The following ERBB4 variants were observed in gnomAD, a reference collection of about 807,000 sequenced individuals.
ERBB4 encodes receptor tyrosine-protein kinase erbB-4.
A neutral mutation model predicts 158.0 loss-of-function variants in ERBB4; 42 were observed. That is an observed-to-expected ratio of 0.27 (90% CI 0.21 to 0.34). The LOEUF (loss-of-function observed/expected upper bound fraction) is 0.34. Among genes scored for constraint, ERBB4 ranks in the 10% least tolerant of loss-of-function variants. The pLI is 1.00. For synonymous variants in ERBB4, 583 were observed against 558.7 expected, an observed-to-expected ratio of 1.04 and a Z score of -0.61; for missense variants, 1,333 against 1,624.1, an observed-to-expected ratio of 0.82 and a Z score of 3.08.
chr2:212,439,559 T>C (rs1199572265), intron 1 of ERBB4, among the ~76,000 whole-genome samples: 3 of 152,200 alleles, frequency 2.0e-5, no homozygotes, highest in African/African-American at 7.2e-5. Flanking sequence ...ATAGCTTTGG[T>C]ATTTTAATTT....
chr2:211,899,758 A>G (rs1208653331), intron 3 of ERBB4, among the ~76,000 whole-genome samples: 5 of 152,128 alleles, frequency 3.3e-5, no homozygotes, highest in African/African-American at 7.2e-5. Flanking sequence ...CTTGCCACTA[A>G]TCATCACTTA....
chr2:211,719,175 T>A (rs974164675), intron 7 of ERBB4, among the ~76,000 whole-genome samples: 2 of 152,226 alleles, frequency 1.3e-5, no homozygotes, highest in East Asian at 3.9e-4. Context: ...TGTAGATAAC[T>A]TTTTGTGCAA....
chr2:211,781,536 C>A (rs1054036904), intron 4 of ERBB4, among the ~76,000 whole-genome samples: 2 of 152,102 alleles, frequency 1.3e-5, no homozygotes, highest in African/African-American at 4.8e-5. Flanking sequence ...TGAGCTAAAC[C>A]TATGAGAGAC....
At chr2:211,782,849 G>A (rs1384317444) in intron 4 of ERBB4, among the ~76,000 whole-genome samples, 5 of 152,096 alleles carry the variant, frequency 3.3e-5, no homozygotes, top group Non-Finnish European at 5.9e-5. Flanking sequence ...TTGACTTGGC[G>A]ATACGGGCTC....
intron 22 of ERBB4, among the ~76,000 whole-genome samples, chr2:211,426,380 C>G (rs767196525): frequency 1.3e-5 from 2 of 152,166 alleles, no homozygotes; most frequent in Non-Finnish European, 2.9e-5. Flanking sequence ...TAAAGGTGCA[C>G]TGTAAACAAG....
At chr2:211,730,130 T>A (rs974631250) in intron 5 of ERBB4, among the ~76,000 whole-genome samples, 5 of 151,964 alleles carry the variant, frequency 3.3e-5, no homozygotes, top group Admixed American at 1.3e-4. Context: ...CTTAATCTTA[T>A]CAGTATCTCA....
chr2:212,470,274 C>A (rs192473303), intron 1 of ERBB4, among the ~76,000 whole-genome samples: 1 of 152,160 alleles, frequency 6.6e-6, no homozygotes. Context: ...GAAAATAGTG[C>A]CAGCCTCTCT....
intron 1 of ERBB4, among the ~76,000 whole-genome samples, chr2:212,442,218 A>T (rs2092269092): frequency 6.6e-6 from 1 of 152,164 alleles, no homozygotes; most frequent in Non-Finnish European, 1.5e-5. Flanking sequence ...TTATATAAGG[A>T]GAAAACTTCT....
intron 2 of ERBB4, among the ~76,000 whole-genome samples, chr2:212,003,406 G>A (rs1392386241): frequency 6.6e-6 from 1 of 150,468 alleles, no homozygotes; most frequent in East Asian, 2.0e-4. Context: ...TCAATATGAT[G>A]GAGCAAGTAA....
At chr2:212,140,652 T>C (rs947344512) in intron 1 of ERBB4, among the ~76,000 whole-genome samples, 2 of 151,342 alleles carry the variant, frequency 1.3e-5, no homozygotes, top group Non-Finnish European at 3.0e-5. Context: ...TAATAGAACA[T>C]TATTTTAGAT....
At chr2:211,412,987 TTGAACAATTTAAAAAA>T (rs1359674082) in intron 25 of ERBB4, among the ~76,000 whole-genome samples, 1 of 148,052 alleles carries the variant, frequency 6.8e-6, no homozygotes, top group East Asian at 2.0e-4. Flanking sequence ...AGAAAAGAAA[TTGAACAATTTAAAAAA>T]TTTCTACTTA....
chr2:211,791,386 A>G (rs1359629290), intron 3 of ERBB4, among the ~76,000 whole-genome samples: 1 of 151,930 alleles, frequency 6.6e-6, no homozygotes, highest in East Asian at 1.9e-4. Flanking sequence ...GTGTTATACC[A>G]ACCAACAGTT....
intron 19 of ERBB4, among the ~76,000 whole-genome samples, chr2:211,589,701 T>C: frequency 6.6e-6 from 1 of 152,164 alleles, no homozygotes; most frequent in East Asian, 1.9e-4. Flanking sequence ...GTCAAAAATT[T>C]GAAAAATCTA....
chr2:212,456,512 A>T (rs1688295792), intron 1 of ERBB4, among the ~76,000 whole-genome samples: 2 of 151,752 alleles, frequency 1.3e-5, no homozygotes, highest in Admixed American at 6.6e-5. Context: ...AAAAAGACTG[A>T]GTCTGCTGTT....
intron 1 of ERBB4, among the ~76,000 whole-genome samples, chr2:212,518,929 G>A (rs2106306995): frequency 6.6e-6 from 1 of 151,916 alleles, no homozygotes; most frequent in East Asian, 1.9e-4. Flanking sequence ...TTTTTTCACA[G>A]TCCTGAGACT....
At chr2:212,498,263 T>A (rs1484333961) in intron 1 of ERBB4, among the ~76,000 whole-genome samples, 1 of 152,080 alleles carries the variant, frequency 6.6e-6, no homozygotes, top group Non-Finnish European at 1.5e-5. Context: ...TATCCAAGGA[T>A]CAAAGAGGCT....
intron 1 of ERBB4, among the ~76,000 whole-genome samples, chr2:212,424,472 C>T (rs754284920): frequency 6.6e-6 from 1 of 152,090 alleles, no homozygotes; most frequent in Non-Finnish European, 1.5e-5. Flanking sequence ...TAAAAGCCCA[C>T]TTATTTTTTC....
Position 211,851,104 on chromosome 2 carries a change from A to G in ERBB4, c.422-62945T>C, listed in dbSNP as rs553808412. Among the ~76,000 whole-genome samples the G allele has an allele frequency of 4.4e-4, 67 of 152,088 alleles. 2 individuals are homozygous for G. The highest frequency in any genetic ancestry group is 1.6e-3 in the African/African-American group (67 of 41,544). On this transcript the variant is annotated intron_variant, in intron 3 of 27. Transcript: ENST00000342788. The stretch of plus-strand genomic sequence containing the variant: ...CTAACCAGCCTGCAATAAAACTAAC[A>G]ACAGATAAAGTAGTATACAACACTT...
intron 1 of ERBB4, among the ~76,000 whole-genome samples, chr2:212,482,512 G>C (rs1689754493): frequency 6.6e-6 from 1 of 152,136 alleles, no homozygotes; most frequent in African/African-American, 2.4e-5. Flanking sequence ...GACTCCAAAA[G>C]GTTTAGTAAC....
Sources: gnomAD v4.1 joint callset for allele counts (sites outside exome capture counted in the v4.1 genomes callset) on GRCh38, gnomAD v4.1.1 for gene constraint, MANE v1.5 for transcripts, NCBI Gene and HGNC (gene_info 2026-07-23, HGNC 2026-07-21) for gene names.